RIMS2: variants seen among roughly 807,000 people sequenced by gnomAD.
RIMS2 encodes the protein regulating synaptic membrane exocytosis protein 2.
RIMS2 carries 59 observed loss-of-function variants against 174.4 expected under a neutral mutation model. The ratio of observed to expected loss-of-function variants is 0.34; its 90% CI spans 0.27 to 0.42. RIMS2 has a LOEUF of 0.42. Ranked by LOEUF, RIMS2 falls within the 10% of genes least tolerant of loss-of-function variation. RIMS2 has a pLI of 1.00. For synonymous variants in RIMS2, 606 were observed against 572.5 expected (o/e 1.06, Z -0.84); for missense variants, 1,620 against 1,666.3 (o/e 0.97, Z 0.48).
Position 103,645,802 on chromosome 8 carries a change from G to A in RIMS2, c.177-51284G>A, listed in dbSNP as rs74837434. On this transcript the variant is annotated intron_variant, in intron 1 of 23. Coordinates refer to ENST00000504942, the Ensembl canonical transcript of RIMS2. ...AGTACACACTAATAGGTCTGTAGAA[G>A]GAATAATTTAATTTTAATAAAGGAA... Among the ~76,000 whole-genome samples, 13 of 151,904 alleles carry A rather than the reference G, an allele frequency of 8.6e-5. No individual in the cohort carries two copies. The East Asian group carries it at 9.7e-4, about 11-fold the overall frequency.
intron 19 of RIMS2, chr8:104,223,704 G>C (rs1221104209): frequency 6.3e-7 from 1 of 1,592,048 alleles, no homozygotes; most frequent in South Asian, 1.1e-5. Flanking sequence ...TCCATGCAGC[G>C]CTCCCAGAGC....
chr8:103,594,479 A>G (rs917125259), intron 1 of RIMS2, among the ~76,000 whole-genome samples: 3 of 151,708 alleles, frequency 2.0e-5, no homozygotes, highest in South Asian at 2.1e-4. Flanking sequence ...CAAAAAGCCT[A>G]TGAGTTGATT....
At chr8:104,132,260 C>A (rs1234440270) in intron 19 of RIMS2, among the ~76,000 whole-genome samples, 1 of 152,096 alleles carries the variant, frequency 6.6e-6, no homozygotes, top group African/African-American at 2.4e-5. Flanking sequence ...ACTTTGCAGA[C>A]TTTCTTTTTG....
At chr8:103,597,015 A>G (rs1249467112) in intron 1 of RIMS2, among the ~76,000 whole-genome samples, 1 of 152,142 alleles carries the variant, frequency 6.6e-6, no homozygotes, top group African/African-American at 2.4e-5. Flanking sequence ...TACATGAAGT[A>G]TTAAAGAAAC....
intron 1 of RIMS2, among the ~76,000 whole-genome samples, chr8:103,547,957 C>T (rs1315052940): frequency 6.6e-6 from 1 of 151,990 alleles, no homozygotes; most frequent in Non-Finnish European, 1.5e-5. Flanking sequence ...CAAGATTGAA[C>T]CAGGAAGAAA....
chr8:103,863,963 C>T (rs559666450), intron 3 of RIMS2, among the ~76,000 whole-genome samples: 6 of 149,428 alleles, frequency 4.0e-5, no homozygotes, highest in Admixed American at 6.7e-5. Context: ...GGCAGGAGTG[C>T]GGTGGCGCGA....
chr8:104,251,573 C>T (rs1379245498), intron 23 of RIMS2, 29 bp from the exon 30 acceptor site: 5 of 1,158,982 alleles, frequency 4.3e-6, no homozygotes, highest in African/African-American at 1.5e-5. Context: ...GTTACACTGA[C>T]ATCACTCTAC....
chr8:104,231,028 G>A (rs1438723684), intron 19 of RIMS2, among the ~76,000 whole-genome samples: 2 of 152,178 alleles, frequency 1.3e-5, no homozygotes, highest in East Asian at 3.8e-4. Flanking sequence ...AATGTGGCCT[G>A]ACATTAAAGA....
chr8:104,188,640 G>T (rs1413011023), intron 19 of RIMS2, among the ~76,000 whole-genome samples: 3 of 151,730 alleles, frequency 2.0e-5, no homozygotes, highest in African/African-American at 7.3e-5. Flanking sequence ...TACTCTAAAT[G>T]CATGGGAAAT....
At chr8:103,809,194 C>G (rs192202254) in intron 3 of RIMS2, among the ~76,000 whole-genome samples, 135 of 151,648 alleles carry the variant, frequency 8.9e-4, no homozygotes, top group Non-Finnish European at 1.9e-4. Flanking sequence ...TATTCCATAT[C>G]TGGAATACTC....
intron 19 of RIMS2, among the ~76,000 whole-genome samples, chr8:104,100,856 GTAATATA>G (rs994556510): frequency 7.4e-6 from 1 of 134,468 alleles, no homozygotes; most frequent in African/African-American, 2.8e-5. Flanking sequence ...TATTATATAT[GTAATATA>G]TATTATATAT....
intron 19 of RIMS2, among the ~76,000 whole-genome samples, chr8:104,123,866 A>C (rs2098405770): frequency 6.6e-6 from 1 of 152,096 alleles, no homozygotes; most frequent in East Asian, 1.9e-4. Context: ...TAAATCAGCT[A>C]ATTTCCAAAT....
chr8:104,051,757 A>G (rs2096791072), intron 19 of RIMS2, among the ~76,000 whole-genome samples: 1 of 152,202 alleles, frequency 6.6e-6, no homozygotes, highest in African/African-American at 2.4e-5. Context: ...TCTGCCACCT[A>G]CTAGTTATAT....
intron 3 of RIMS2, among the ~76,000 whole-genome samples, chr8:103,812,331 GTTTTTTTTT>G (rs71575985): frequency 1.8e-5 from 2 of 111,612 alleles, no homozygotes; most frequent in African/African-American, 6.6e-5. Context: ...TTATTACCTT[GTTTTTTTTT>G]TTTTTTTTTT....
At chr8:103,579,215 A>G (rs1052019433) in intron 1 of RIMS2, among the ~76,000 whole-genome samples, 5 of 150,548 alleles carry the variant, frequency 3.3e-5, no homozygotes, top group African/African-American at 9.7e-5. Flanking sequence ...CGAGGGCAGC[A>G]TAGCAATACT....
chr8:104,241,815 A>G (rs985409111), intron 19 of RIMS2, among the ~76,000 whole-genome samples: 1 of 152,120 alleles, frequency 6.6e-6, no homozygotes, highest in African/African-American at 2.4e-5. Flanking sequence ...GCTGGAGTGC[A>G]ATGGTGCAAT....
At chr8:103,768,289 G>A in intron 3 of RIMS2, 1 of 609,898 alleles carries the variant, frequency 1.6e-6, no homozygotes, top group Non-Finnish European at 3.0e-6. Flanking sequence ...AGATGAAGCT[G>A]GACATCTCTT....
chr8:103,594,406 G>A (rs2094402603), intron 1 of RIMS2, among the ~76,000 whole-genome samples: 1 of 151,586 alleles, frequency 6.6e-6, no homozygotes, highest in African/African-American at 2.4e-5. Context: ...ATGGCTATGA[G>A]TTCCTTGTTA....
intron 19 of RIMS2, among the ~76,000 whole-genome samples, chr8:104,138,235 A>T (rs2098537544): frequency 6.6e-6 from 1 of 152,200 alleles, no homozygotes; most frequent in South Asian, 2.1e-4. Context: ...GGCTGTCATG[A>T]ATAGTGCTGC....
Sources: gnomAD v4.1 joint callset for allele counts (sites outside exome capture counted in the v4.1 genomes callset) on GRCh38, gnomAD v4.1.1 for gene constraint, MANE v1.5 for transcripts, NCBI Gene and HGNC (gene_info 2026-07-23, HGNC 2026-07-21) for gene names.